STXBP5L: variants seen among roughly 807,000 people sequenced by gnomAD.
STXBP5L encodes the protein syntaxin-binding protein 5-like.
Under a neutral mutation model 144.5 loss-of-function variants are expected in STXBP5L, and 65 were observed. The observed-to-expected ratio is 0.45, with a 90% CI of 0.37 to 0.55. STXBP5L has a LOEUF of 0.55. Ranked by LOEUF, STXBP5L falls within the 20% of genes least tolerant of loss-of-function variation. STXBP5L has a pLI of 0.00. For synonymous variants in STXBP5L, 505 were observed against 469.6 expected (o/e 1.08, Z -0.97); for missense variants, 1,298 against 1,405.5 (o/e 0.92, Z 1.22).
chr3:121,216,312 C>T (rs1487276442), intron 10 of STXBP5L, among the ~76,000 whole-genome samples: 2 of 152,152 alleles, frequency 1.3e-5, no homozygotes, highest in Admixed American at 1.3e-4. Context: ...TTTTTTGTCT[C>T]ATCTTCATGG....
intron 7 of STXBP5L, among the ~76,000 whole-genome samples, chr3:121,146,074 T>C (rs969418827): frequency 1.3e-5 from 2 of 152,016 alleles, no homozygotes; most frequent in African/African-American, 4.8e-5. Context: ...CTTCTCTGGT[T>C]CTCAGGCCTT....
intron 3 of STXBP5L, among the ~76,000 whole-genome samples, chr3:121,020,476 C>T (rs991633884): frequency 3.9e-5 from 6 of 152,120 alleles, no homozygotes; most frequent in African/African-American, 1.4e-4. Context: ...TATCTAAAAT[C>T]ATGATGAAGG....
chr3:121,009,575 G>A (rs573709038), intron 3 of STXBP5L, among the ~76,000 whole-genome samples: 11 of 152,038 alleles, frequency 7.2e-5, no homozygotes, highest in African/African-American at 1.9e-4. Context: ...TTTAAAAAGC[G>A]CATTCTTATT....
chr3:121,127,604 G>A (rs1285051013), intron 7 of STXBP5L, among the ~76,000 whole-genome samples: 1 of 151,204 alleles, frequency 6.6e-6, no homozygotes, highest in Non-Finnish European at 1.5e-5. Flanking sequence ...CCTAGGATGG[G>A]ATTTAGGGCC....
chr3:121,415,092 C>T (rs1382194045), intron 24 of STXBP5L, among the ~76,000 whole-genome samples: 1 of 152,132 alleles, frequency 6.6e-6, no homozygotes, highest in Non-Finnish European at 1.5e-5. Flanking sequence ...TAAAATCATA[C>T]TGGAAGTTCA....
chr3:121,407,506 A>C lies in STXBP5L; in HGVS notation c.2851A>C (p.Thr951Pro). The C allele has an allele frequency of 6.2e-7, 1 of 1,613,388 alleles. No homozygotes were observed. The highest frequency in any genetic ancestry group is 2.2e-5 in the East Asian group (1 of 44,858). The change falls in exon 23 of 27, where the codon ACG becomes CCG. Residue 951 changes from threonine (T) to proline (P), a missense_variant. Transcript: ENST00000471454. ...SQTCLYVHNI[T>P]ETSFILQANV... ...GACTTGCCTTTATGTTCATAACATC[A>C]CGGAGACATCTTTTATACTGCAAGC... is the stretch of plus-strand genomic sequence containing the variant.
intron 5 of STXBP5L, among the ~76,000 whole-genome samples, chr3:121,045,814 A>C (rs765812392): frequency 1.5e-4 from 23 of 152,202 alleles, no homozygotes; most frequent in Admixed American, 4.6e-4. Flanking sequence ...AAGAGAGATA[A>C]TTTGACTTCC....
intron 3 of STXBP5L, among the ~76,000 whole-genome samples, chr3:121,002,884 C>G (rs1943909637): frequency 6.6e-6 from 1 of 152,136 alleles, no homozygotes; most frequent in Admixed American, 6.6e-5. Flanking sequence ...AGAACATGAA[C>G]TCATCATTTT....
chr3:120,947,143 T>C (rs1408022708), intron 2 of STXBP5L, among the ~76,000 whole-genome samples: 1 of 151,824 alleles, frequency 6.6e-6, no homozygotes. Context: ...AAGAGCTAGA[T>C]ATTAAGAAAT....
rs1374247407 is a variant in STXBP5L at position 121,114,964 on chromosome 3, T to A, written c.510T>A (p.Leu170=). The A allele has an allele frequency of 1.3e-6, 2 of 1,594,114 alleles. No individual in the cohort carries two copies. Among genetic ancestry groups the A allele is most frequent in the Non-Finnish European group, 8.5e-7 (1 of 1,171,864 alleles). The change falls in exon 6 of 27, where the codon CTT becomes CTA. Residue 170 remains leucine, a synonymous_variant. Coordinates refer to ENST00000471454, the MANE Select transcript of STXBP5L (RefSeq NM_001308330.2). The part of the protein sequence containing the change: ...YCHLPFQSKW[L]YVGTERGNTH... ...ATCTACCTTTCCAGAGTAAATGGCT[T>A]TATGTTGGAACAGAAAGAGGAAATA...
intron 8 of STXBP5L, among the ~76,000 whole-genome samples, chr3:121,155,425 A>G (rs1404117650): frequency 6.6e-6 from 1 of 151,928 alleles, no homozygotes; most frequent in Non-Finnish European, 1.5e-5. Context: ...TAGCCTCTTC[A>G]TAAATAGCCA....
chr3:121,259,265 C>T (rs971685704), intron 18 of STXBP5L, 97 bp downstream of exon 18: 7 of 949,366 alleles, frequency 7.4e-6, no homozygotes, highest in African/African-American at 1.7e-5. Flanking sequence ...AAAAGAAGCC[C>T]TTACCTGGAT....
intron 9 of STXBP5L, among the ~76,000 whole-genome samples, chr3:121,177,208 A>T (rs1005602167): frequency 6.6e-6 from 1 of 152,124 alleles, no homozygotes; most frequent in Non-Finnish European, 1.5e-5. Flanking sequence ...GGCATGGCTG[A>T]GCCCACGTCA....
intron 19 of STXBP5L, 109 bp from the exon 20 acceptor site, chr3:121,318,366 G>C: frequency 1.7e-6 from 1 of 592,116 alleles, no homozygotes; most frequent in Non-Finnish European, 2.8e-6. Flanking sequence ...ACATGATAAA[G>C]TAGTTTTCAC....
At chr3:121,123,900 A>G (rs924216565) in intron 7 of STXBP5L, among the ~76,000 whole-genome samples, 5 of 151,662 alleles carry the variant, frequency 3.3e-5, no homozygotes, top group Admixed American at 6.6e-5. Flanking sequence ...CAGTCTTTTC[A>G]TGTGATTCTT....
chr3:121,053,057 C>G (rs923106277), intron 5 of STXBP5L, among the ~76,000 whole-genome samples: 1 of 152,130 alleles, frequency 6.6e-6, no homozygotes, highest in Non-Finnish European at 1.5e-5. Context: ...AGGACCTCTT[C>G]AAGGAGAACT....
chr3:121,254,648 G>C (rs957548123), intron 15 of STXBP5L, among the ~76,000 whole-genome samples: 1 of 152,150 alleles, frequency 6.6e-6, no homozygotes, highest in African/African-American at 2.4e-5. Flanking sequence ...AATGACACAA[G>C]AAAGCAACTA....
chr3:120,924,416 G>A (rs1323687570), intron 2 of STXBP5L, among the ~76,000 whole-genome samples: 1 of 152,024 alleles, frequency 6.6e-6, no homozygotes, highest in Non-Finnish European at 1.5e-5. Context: ...CTACATTAAT[G>A]AAAAACAATC....
At chr3:121,383,391 C>T (rs984601277) in intron 22 of STXBP5L, among the ~76,000 whole-genome samples, 1 of 151,816 alleles carries the variant, frequency 6.6e-6, no homozygotes, top group South Asian at 2.1e-4. Context: ...AGTGAGACTC[C>T]ATCTCAATGA....
Sources: gnomAD v4.1 joint callset for allele counts (sites outside exome capture counted in the v4.1 genomes callset) on GRCh38, gnomAD v4.1.1 for gene constraint, MANE v1.5 for transcripts, NCBI Gene and HGNC (gene_info 2026-07-23, HGNC 2026-07-21) for gene names.